Variants in AUTS2 observed in about 807,000 individuals in gnomAD.
AUTS2 encodes the protein activator of transcription and developmental regulator AUTS2.
Under a neutral mutation model 112.4 loss-of-function variants are expected in AUTS2, and 17 were observed. That is an observed-to-expected ratio of 0.15 (90% CI 0.10 to 0.23). The LOEUF is 0.23. Ranked by LOEUF, AUTS2 falls within the 10% of genes least tolerant of loss-of-function variation. The pLI is 1.00. For missense variants in AUTS2, 1,510 were observed against 1,701.6 expected, an observed-to-expected ratio of 0.89 and a Z score of 1.98; for synonymous variants, 751 against 702.7, an observed-to-expected ratio of 1.07 and a Z score of -1.09.
rs115662372 is a variant in AUTS2 at position 69,942,070 on chromosome 7, A to C, written c.522+42572A>C. On this transcript the variant is annotated intron_variant, in intron 2 of 18. Coordinates refer to ENST00000342771, the MANE Select transcript of AUTS2 (RefSeq NM_015570.4). ...AGAATACGTAGAAAATTTGTATCTTATGGTCATATTGCACTTCAGACTTTT... is the reference window on the plus strand; with the variant it reads ...AGAATACGTAGAAAATTTGTATCTTCTGGTCATATTGCACTTCAGACTTTT... Among the ~76,000 whole-genome samples, 216 of 152,292 alleles carry C rather than the reference A, an allele frequency of 1.4e-3. 1 individual carries two copies. Among genetic ancestry groups the C allele is most frequent in the African/African-American group, 5.1e-3 (212 of 41,556 alleles).
chr7:69,680,151 A>C (rs933654741), intron 1 of AUTS2, among the ~76,000 whole-genome samples: 2 of 152,260 alleles, frequency 1.3e-5, no homozygotes. Flanking sequence ...ATGCTGCCTT[A>C]TACTAAATAG....
chr7:70,768,387 G>A (rs1790073179), intron 10 of AUTS2, among the ~76,000 whole-genome samples: 1 of 152,164 alleles, frequency 6.6e-6, no homozygotes, highest in South Asian at 2.1e-4. Flanking sequence ...TGAAATCACA[G>A]CATTTCAGTC....
At chr7:69,793,323 A>G (rs1299194228) in intron 1 of AUTS2, among the ~76,000 whole-genome samples, 4 of 152,244 alleles carry the variant, frequency 2.6e-5, no homozygotes, top group Non-Finnish European at 5.9e-5. Flanking sequence ...CAGCAGTTCA[A>G]GTAAATTCGT....
intron 4 of AUTS2, among the ~76,000 whole-genome samples, chr7:70,208,204 A>G (rs560341363): frequency 1.3e-5 from 2 of 152,248 alleles, no homozygotes; most frequent in African/African-American, 4.8e-5. Flanking sequence ...CTTAAGGCAA[A>G]CTTTCTTTAA....
chr7:69,796,091 T>A (rs958147947), intron 1 of AUTS2, among the ~76,000 whole-genome samples: 2 of 152,240 alleles, frequency 1.3e-5, no homozygotes, highest in African/African-American at 2.4e-5. Context: ...GCCTCTAGCC[T>A]CTGGATGTTT....
chr7:69,840,499 C>T (rs1013411694), intron 1 of AUTS2, among the ~76,000 whole-genome samples: 2 of 152,162 alleles, frequency 1.3e-5, no homozygotes, highest in African/African-American at 4.8e-5. Context: ...TTTTGTTGAG[C>T]TCTCTTCAGT....
intron 1 of AUTS2, among the ~76,000 whole-genome samples, chr7:69,737,874 G>C (rs1787101224): frequency 6.6e-6 from 1 of 152,306 alleles, no homozygotes; most frequent in East Asian, 1.9e-4. Context: ...TAATTGCATT[G>C]AGAGAACATC....
chr7:70,448,198 T>A (rs1367541740), intron 5 of AUTS2, among the ~76,000 whole-genome samples: 1 of 152,188 alleles, frequency 6.6e-6, no homozygotes, highest in African/African-American at 2.4e-5. Flanking sequence ...TCTAGCCGCC[T>A]CATCGCTTTC....
chr7:70,575,843 C>T (rs1025337921), intron 5 of AUTS2, among the ~76,000 whole-genome samples: 2 of 152,152 alleles, frequency 1.3e-5, no homozygotes, highest in African/African-American at 4.8e-5. Flanking sequence ...TACCACCCAA[C>T]GAGCTTTGCA....
At chr7:70,214,540 G>C (rs983932858) in intron 4 of AUTS2, among the ~76,000 whole-genome samples, 4 of 152,162 alleles carry the variant, frequency 2.6e-5, no homozygotes, top group African/African-American at 9.6e-5. Flanking sequence ...AGTATGTCAG[G>C]CATATTAAAA....
chr7:70,551,139 A>G (rs1801000089), intron 5 of AUTS2, among the ~76,000 whole-genome samples: 1 of 152,208 alleles, frequency 6.6e-6, no homozygotes, highest in South Asian at 2.1e-4. Flanking sequence ...TATAAAATAA[A>G]TATCCATGAC....
intron 1 of AUTS2, among the ~76,000 whole-genome samples, chr7:69,769,520 C>G (rs1788571094): frequency 1.3e-5 from 2 of 152,190 alleles, no homozygotes; most frequent in Admixed American, 6.5e-5. Context: ...ATGCACCATT[C>G]TGCATTTAGC....
At chr7:69,715,405 G>A (rs1052214335) in intron 1 of AUTS2, among the ~76,000 whole-genome samples, 4 of 152,056 alleles carry the variant, frequency 2.6e-5, no homozygotes, top group East Asian at 1.9e-4. Context: ...ACTTGAGGTC[G>A]GGAACAGATA....
At chr7:70,100,640 C>T (rs1804438040) in intron 2 of AUTS2, among the ~76,000 whole-genome samples, 1 of 151,506 alleles carries the variant, frequency 6.6e-6, no homozygotes, top group Non-Finnish European at 1.5e-5. Flanking sequence ...CATGCGTTCT[C>T]ATTGGTTGTA....
chr7:69,635,942 C>G (rs1011409981), intron 1 of AUTS2, among the ~76,000 whole-genome samples: 1 of 152,172 alleles, frequency 6.6e-6, no homozygotes, highest in African/African-American at 2.4e-5. Flanking sequence ...AGAGTCCAGC[C>G]CATACAGTGT....
At chr7:70,029,539 G>C (rs1271510060) in intron 2 of AUTS2, among the ~76,000 whole-genome samples, 2 of 152,028 alleles carry the variant, frequency 1.3e-5, no homozygotes, top group African/African-American at 4.8e-5. Flanking sequence ...AAATACTGTA[G>C]TAACTTCCAT....
chr7:70,707,136 C>T (rs1809781439), intron 6 of AUTS2, among the ~76,000 whole-genome samples: 1 of 152,224 alleles, frequency 6.6e-6, no homozygotes, highest in South Asian at 2.1e-4. Flanking sequence ...TCTAATGATA[C>T]AGTGGGCTAA....
At chr7:70,731,452 CAG>C (rs1440678150) in intron 6 of AUTS2, among the ~76,000 whole-genome samples, 1 of 62,908 alleles carries the variant, frequency 1.6e-5, no homozygotes, top group African/African-American at 5.7e-5. Context: ...TTTTTTGAGA[CAG>C]AGTCTCGCTC....
intron 3 of AUTS2, among the ~76,000 whole-genome samples, chr7:70,126,468 A>G (rs1390199624): frequency 6.6e-6 from 1 of 152,190 alleles, no homozygotes; most frequent in Non-Finnish European, 1.5e-5. Flanking sequence ...TTCCCAGACC[A>G]TGTTGCCTGG....
Sources: gnomAD v4.1 joint callset for allele counts (sites outside exome capture counted in the v4.1 genomes callset) on GRCh38, gnomAD v4.1.1 for gene constraint, MANE v1.5 for transcripts, NCBI Gene and HGNC (gene_info 2026-07-23, HGNC 2026-07-21) for gene names.